The following RPS6KA2 variants were observed in gnomAD, a reference collection of about 807,000 sequenced individuals.
RPS6KA2 encodes the protein ribosomal protein S6 kinase alpha-2.
RPS6KA2 carries 42 observed loss-of-function variants against 91.8 expected under a neutral mutation model. The ratio of observed to expected loss-of-function variants is 0.46; its 90% confidence interval spans 0.36 to 0.59. The LOEUF (loss-of-function observed/expected upper bound fraction) is 0.59, where lower values mean the gene tolerates loss of function less well. Ranked by LOEUF, RPS6KA2 falls within the 20% of genes least tolerant of loss-of-function variation. The pLI, the probability that RPS6KA2 is intolerant of heterozygous loss-of-function variation, is 0.00. For missense variants in RPS6KA2, 798 were observed against 978.5 expected, an observed-to-expected ratio of 0.82 and a Z score of 2.46; for synonymous variants, 414 against 393.6, an observed-to-expected ratio of 1.05 and a Z score of -0.61.
chr6:166,683,227 G>C (rs1467586803), intron 2 of RPS6KA2, among the ~76,000 whole-genome samples: 1 of 152,232 alleles, frequency 6.6e-6, no homozygotes, highest in East Asian at 1.9e-4. Flanking sequence ...GTGTGCCTCT[G>C]TGTTGGAGAG....
chr6:166,717,622 G>A (rs1053015852), intron 2 of RPS6KA2, among the ~76,000 whole-genome samples: 2 of 152,144 alleles, frequency 1.3e-5, no homozygotes, highest in Non-Finnish European at 2.9e-5. Flanking sequence ...GAAGGGAGTG[G>A]GGTGCACAGC....
intron 5 of RPS6KA2, among the ~76,000 whole-genome samples, chr6:166,506,562 T>C (rs1782232692): frequency 6.6e-6 from 1 of 152,144 alleles, no homozygotes; most frequent in Non-Finnish European, 1.5e-5. Flanking sequence ...GGCCTTTGTG[T>C]AGAGCTTGGA....
chr6:166,508,079 C>A lies in RPS6KA2; in HGVS notation c.459+124G>T, dbSNP rs556429845. The A allele has an allele frequency of 8.3e-5, 53 of 638,462 alleles. No homozygotes were observed. Among genetic ancestry groups the A allele is most frequent in the Middle Eastern group, 3.9e-4 (1 of 2,566 alleles). 39.5% of individuals were successfully genotyped at this position (638,462 alleles called of 1,614,324 possible). A position where few individuals can be genotyped will look rare whatever the true frequency, so the allele number is the denominator to read the frequency against. The stretch of plus-strand genomic sequence containing the variant: ...TGCACACACTCACACATGCACACAC[C>A]CCCACACACACACACGCACTCTCGC... On this transcript the variant is annotated intron_variant, in intron 5 of 20. Transcript: ENST00000265678. This position sits in a 1 kb window ranked among gnomAD's most constrained non-coding sequence, Gnocchi z 4.3.
intron 2 of RPS6KA2, among the ~76,000 whole-genome samples, chr6:166,658,868 G>A (rs1788076688): frequency 6.6e-6 from 1 of 152,210 alleles, no homozygotes; most frequent in Non-Finnish European, 1.5e-5. Context: ...CCCCTGCTCT[G>A]TACAAGACAC....
intron 2 of RPS6KA2, among the ~76,000 whole-genome samples, chr6:166,710,780 AGCTG>A (rs1200494918): frequency 2.0e-5 from 3 of 152,212 alleles, no homozygotes; most frequent in Admixed American, 2.0e-4. Context: ...TTGAGGAGCA[AGCTG>A]GTGGAGAATT....
chr6:166,710,391 AT>A (rs1043710216), intron 2 of RPS6KA2, among the ~76,000 whole-genome samples: 3 of 151,970 alleles, frequency 2.0e-5, no homozygotes, highest in Non-Finnish European at 2.9e-5. Flanking sequence ...TCTTTGATAT[AT>A]TTTTTTGTAA....
chr6:166,848,358 T>C (rs936104304), intron 2 of RPS6KA2, among the ~76,000 whole-genome samples: 3 of 152,226 alleles, frequency 2.0e-5, no homozygotes, highest in Non-Finnish European at 4.4e-5. Context: ...TGGAGATTCC[T>C]TTAAGAACTA....
At chr6:166,598,233 T>G (rs1434181934) in intron 1 of RPS6KA2, among the ~76,000 whole-genome samples, 3 of 152,248 alleles carry the variant, frequency 2.0e-5, no homozygotes, top group Non-Finnish European at 2.9e-5. Flanking sequence ...TGAACCGTTC[T>G]GATTTCCTTT....
chr6:166,854,136 AC>A (rs1780824085), intron 2 of RPS6KA2, among the ~76,000 whole-genome samples: 1 of 152,152 alleles, frequency 6.6e-6, no homozygotes, highest in Non-Finnish European at 1.5e-5. Flanking sequence ...AATTTATGAC[AC>A]AAACTCCCCC....
intron 2 of RPS6KA2, among the ~76,000 whole-genome samples, chr6:166,681,508 G>A (rs1470754711): frequency 6.6e-6 from 1 of 152,106 alleles, no homozygotes; most frequent in Non-Finnish European, 1.5e-5. Flanking sequence ...TGCAGCCACG[G>A]CTGACCAGTG....
At position 166,468,856 on chromosome 6, in the gene RPS6KA2, T is replaced by TCCATCTCAAAAAAAAAA. The variant is rs567161437; in HGVS notation, c.972+984_972+985insTTTTTTTTTTGAGATGG. Among the ~76,000 whole-genome samples, 58 of 112,156 alleles carry TCCATCTCAAAAAAAAAA rather than the reference T, an allele frequency of 5.2e-4. 1 individual carries two copies. The highest frequency in any genetic ancestry group is 2.2e-3 in the African/African-American group (57 of 25,940). The allele number at this position is 112,156 out of a possible 152,430, so 73.6% of individuals were successfully genotyped here. On this transcript the variant is annotated intron_variant, in intron 11 of 20. Transcript: ENST00000265678. ...TCCAGCCTGGGCGACAGAGCGAGAC[T>TCCATCTCAAAAAAAAAA]AAAAAAAAAAAAAAAAAGAAGACAG...
intron 2 of RPS6KA2, among the ~76,000 whole-genome samples, chr6:166,714,438 C>T (rs953153453): frequency 2.6e-5 from 4 of 152,186 alleles, no homozygotes; most frequent in East Asian, 1.9e-4. Context: ...CAAAAAGATG[C>T]GTTGATGTCC....
Position 166,419,839 on chromosome 6 carries a change from G to T in RPS6KA2, c.1820+43C>A. 1 of 1,561,110 alleles carries T rather than the reference G, an allele frequency of 6.4e-7. No homozygotes were observed. On this transcript the variant is annotated intron_variant, in intron 18 of 20. Coordinates refer to ENST00000265678, the MANE Select transcript of RPS6KA2 (RefSeq NM_021135.6). This position sits in a 1 kb window ranked among gnomAD's most constrained non-coding sequence, Gnocchi z 5.6. ...TGACAGATCAGCCACTGAGGCTGCT[G>T]CCCTGTGTCTCCTCCTGACACCTGT...
chr6:166,627,152 G>T lies in RPS6KA2; in HGVS notation c.-133C>A. The stretch of plus-strand genomic sequence containing the variant: ...GGCACGGCGGCCATGGGCGCGGGGC[G>T]TGGGGCGCGAGCTGCGGTCACAAAG... On this transcript the variant is annotated 5_prime_UTR_variant, in exon 1 of 21. Coordinates refer to ENST00000265678, the MANE Select transcript of RPS6KA2 (RefSeq NM_021135.6). 2 of 1,114,282 alleles carry T rather than the reference G, an allele frequency of 1.8e-6. No homozygotes were observed. The highest frequency in any genetic ancestry group is 2.2e-6 in the Non-Finnish European group (2 of 913,588). The allele number at this position is 1,114,282 out of a possible 1,614,324, so 69.0% of individuals were successfully genotyped here. A position where few individuals can be genotyped will look rare whatever the true frequency, so the allele number is the denominator to read the frequency against.
intron 2 of RPS6KA2, among the ~76,000 whole-genome samples, chr6:166,775,852 C>T (rs950304444): frequency 4.6e-5 from 7 of 152,204 alleles, no homozygotes; most frequent in Middle Eastern, 3.2e-3. Flanking sequence ...AGAGACTGAG[C>T]GCAGGCAAAG....
Position 166,448,299 on chromosome 6 carries a change from T to C in RPS6KA2, c.1332+425A>G, listed in dbSNP as rs1180249356. Among the ~76,000 whole-genome samples, 1 of 152,192 alleles carries C rather than the reference T, an allele frequency of 6.6e-6. No homozygotes were observed. The highest frequency in any genetic ancestry group is 1.5e-5 in the Non-Finnish European group (1 of 68,028). On this transcript the variant is annotated intron_variant, in intron 14 of 20. Coordinates refer to ENST00000265678, the MANE Select transcript of RPS6KA2 (RefSeq NM_021135.6). The surrounding 1 kb of genome is among the most constrained non-coding windows in gnomAD (Gnocchi z 4.7). Reference sequence around the variant, plus strand: ...CTATACCTGTCCCCCAACTCTGTTTTCTCAAAATACTGGGGGCCCAAAACT... The same window carrying C: ...CTATACCTGTCCCCCAACTCTGTTTCCTCAAAATACTGGGGGCCCAAAACT...
chr6:166,475,326 G>A (rs1190928624), intron 10 of RPS6KA2, among the ~76,000 whole-genome samples: 1 of 152,158 alleles, frequency 6.6e-6, no homozygotes, highest in Admixed American at 6.5e-5. Context: ...CACCCACTGC[G>A]TACTCCCGAG....
intron 2 of RPS6KA2, among the ~76,000 whole-genome samples, chr6:166,687,180 C>G (rs1054275065): frequency 2.0e-5 from 3 of 152,222 alleles, no homozygotes; most frequent in Non-Finnish European, 2.9e-5. Context: ...ATCATTGCAA[C>G]AGCAGCCACC....
intron 2 of RPS6KA2, among the ~76,000 whole-genome samples, chr6:166,781,935 C>T (rs977300856): frequency 3.9e-5 from 6 of 152,300 alleles, no homozygotes; most frequent in Non-Finnish European, 5.9e-5. Context: ...TATATCTGGC[C>T]TTGACCCACT....
Sources: gnomAD v4.1 joint callset for allele counts (sites outside exome capture counted in the v4.1 genomes callset) on GRCh38, gnomAD v4.1.1 for gene constraint, Gnocchi (gnomAD v3.1) non-coding constraint, MANE v1.5 for transcripts, NCBI Gene and HGNC (gene_info 2026-07-23, HGNC 2026-07-21) for gene names.